CADPS2: variants seen among roughly 807,000 people sequenced by gnomAD.
The protein encoded by CADPS2 is calcium dependent secretion activator 2.
CADPS2 carries 93 observed loss-of-function variants against 172.5 expected under a neutral mutation model. The ratio of observed to expected loss-of-function variants is 0.54; its 90% CI spans 0.46 to 0.64. The LOEUF (loss-of-function observed/expected upper bound fraction) is 0.64, where lower values mean the gene tolerates loss of function less well. CADPS2 is among the 30% of genes least tolerant of loss of function. The pLI, the probability that CADPS2 is intolerant of heterozygous loss-of-function variation, is 0.00. For missense variants in CADPS2, 1,420 were observed against 1,565.9 expected (o/e 0.91, Z 1.57); for synonymous variants, 546 against 555.2 (o/e 0.98, Z 0.23).
At chr7:122,817,650 C>G (rs907081531) in intron 1 of CADPS2, among the ~76,000 whole-genome samples, 3 of 151,926 alleles carry the variant, frequency 2.0e-5, no homozygotes, top group African/African-American at 7.3e-5. Context: ...GGGAAAGGGG[C>G]AAGTACCCCA....
chr7:122,534,354 G>T (rs2062038509), intron 8 of CADPS2, among the ~76,000 whole-genome samples: 1 of 152,012 alleles, frequency 6.6e-6, no homozygotes, highest in Non-Finnish European at 1.5e-5. Context: ...TTTCAACAAT[G>T]CCTCCCAACA....
intron 25 of CADPS2, among the ~76,000 whole-genome samples, chr7:122,376,817 A>G (rs1164311750): frequency 6.6e-6 from 1 of 152,106 alleles, no homozygotes; most frequent in African/African-American, 2.4e-5. Flanking sequence ...ATAAACTTAT[A>G]TGGTTGTATA....
At chr7:122,565,634 C>T (rs1587368664) in intron 7 of CADPS2, among the ~76,000 whole-genome samples, 1 of 152,136 alleles carries the variant, frequency 6.6e-6, no homozygotes, top group African/African-American at 2.4e-5. Context: ...TACAAACCAT[C>T]AGGGAATAAG....
chr7:122,868,121 A>G (rs997768234), intron 1 of CADPS2, among the ~76,000 whole-genome samples: 2 of 152,106 alleles, frequency 1.3e-5, no homozygotes, highest in African/African-American at 4.8e-5. Flanking sequence ...CCCTGGAAGT[A>G]GTTTCTGCAT....
chr7:122,319,313 G>A lies in CADPS2; in HGVS notation c.*852C>T, dbSNP rs959570607. On this transcript the variant is annotated 3_prime_UTR_variant, in exon 30 of 30. Transcript: ENST00000449022. ...AAAAAACTCAAGAAACAAAAACACA[G>A]AGTCAGATAGTTGGGATGTTTGAAA... 6.6e-6 allele frequency: 1 copy of A among 152,088 alleles called. No homozygotes were observed. The allele number at this position is 152,088 out of a possible 1,614,324, so 9.4% of individuals were successfully genotyped here. A position where few individuals can be genotyped will look rare whatever the true frequency, so the allele number is the denominator to read the frequency against.
chr7:122,701,843 A>C (rs748795665), intron 2 of CADPS2: 1 of 1,580,076 alleles, frequency 6.3e-7, no homozygotes. Context: ...TTAAGTTTTC[A>C]GGATGTCACA....
intron 1 of CADPS2, among the ~76,000 whole-genome samples, chr7:122,745,661 G>A (rs897091015): frequency 1.3e-5 from 2 of 149,840 alleles, no homozygotes; most frequent in South Asian, 4.4e-4. Context: ...CTAGCACATA[G>A]AATATCCTCT....
At chr7:122,595,323 T>C (rs1199070888) in intron 6 of CADPS2, among the ~76,000 whole-genome samples, 3 of 152,112 alleles carry the variant, frequency 2.0e-5, no homozygotes, top group Non-Finnish European at 2.9e-5. Context: ...CATCAATAAC[T>C]AGTACTTTCT....
intron 20 of CADPS2, 75 bp from the exon 21 acceptor site, chr7:122,393,657 C>G (rs1029129181): frequency 1.3e-6 from 2 of 1,518,772 alleles, no homozygotes; most frequent in African/African-American, 2.8e-5. Flanking sequence ...GCCAAAAAAA[C>G]ACGTTTTCTG....
intron 14 of CADPS2, among the ~76,000 whole-genome samples, chr7:122,468,837 T>C (rs2055511887): frequency 6.6e-6 from 1 of 152,216 alleles, no homozygotes; most frequent in Non-Finnish European, 1.5e-5. Flanking sequence ...CAGCTTATCT[T>C]GGATTATTTC....
intron 2 of CADPS2, among the ~76,000 whole-genome samples, chr7:122,721,977 A>G (rs976035617): frequency 6.6e-5 from 10 of 152,092 alleles, no homozygotes; most frequent in East Asian, 1.9e-4. Flanking sequence ...AAAGGCCGTT[A>G]ACAAAATTCA....
At chr7:122,702,676 T>A in intron 2 of CADPS2, 1 of 1,613,068 alleles carries the variant, frequency 6.2e-7, no homozygotes, top group Non-Finnish European at 8.5e-7. Flanking sequence ...AGCTAAGTAG[T>A]AGAAAGATAC....
intron 1 of CADPS2, among the ~76,000 whole-genome samples, chr7:122,772,892 C>T (rs1589116002): frequency 6.6e-6 from 1 of 151,992 alleles, no homozygotes; most frequent in Non-Finnish European, 1.5e-5. Flanking sequence ...AAGGACTTTC[C>T]AGGCAAAGGA....
chr7:122,796,908 T>C (rs536487275), intron 1 of CADPS2, among the ~76,000 whole-genome samples: 90 of 151,942 alleles, frequency 5.9e-4, no homozygotes, highest in African/African-American at 2.1e-3. Flanking sequence ...CAGCAAACTA[T>C]CAACAGAGTG....
intron 1 of CADPS2, among the ~76,000 whole-genome samples, chr7:122,808,304 T>C (rs1400244973): frequency 1.3e-5 from 2 of 152,236 alleles, no homozygotes; most frequent in East Asian, 3.8e-4. Context: ...TTAGTATTTC[T>C]GCAGTTCGTA....
At chr7:122,389,190 C>G (rs985060805) in intron 22 of CADPS2, among the ~76,000 whole-genome samples, 1 of 152,008 alleles carries the variant, frequency 6.6e-6, no homozygotes, top group Non-Finnish European at 1.5e-5. Context: ...TCTATCTACA[C>G]GTGTGTAGAA....
At chr7:122,702,130 TAAGTAA>T (rs774410726) in intron 2 of CADPS2, 1 of 1,613,574 alleles carries the variant, frequency 6.2e-7, no homozygotes, top group African/African-American at 1.3e-5. Flanking sequence ...AGACGCAATC[TAAGTAA>T]AAGTAGGCAA....
At position 122,697,047 on chromosome 7, in the gene CADPS2, A is replaced by G. The variant is rs191691321; in HGVS notation, c.454-33478T>C. On this transcript the variant is annotated intron_variant, in intron 2 of 29. Transcript: ENST00000449022. ...CAAATTGGGGAGTGGGGAGAAACACATGGGAAGTAAATTTGCCATGACTAA... is the reference window on the plus strand; with the variant it reads ...CAAATTGGGGAGTGGGGAGAAACACGTGGGAAGTAAATTTGCCATGACTAA... 3.0e-4 allele frequency among the ~76,000 whole-genome samples: 45 copies of G among 152,310 alleles called. No individual in the cohort carries two copies. In the East Asian group the frequency reaches 7.9e-3, roughly 27 times the overall value.
chr7:122,566,501 A>G (rs1386346845), intron 7 of CADPS2, among the ~76,000 whole-genome samples: 2 of 152,164 alleles, frequency 1.3e-5, no homozygotes. Flanking sequence ...AATAGCCAAG[A>G]TATGAAATCA....
Sources: gnomAD v4.1 joint callset for allele counts (sites outside exome capture counted in the v4.1 genomes callset) on GRCh38, gnomAD v4.1.1 for gene constraint, MANE v1.5 for transcripts, NCBI Gene and HGNC (gene_info 2026-07-23, HGNC 2026-07-21) for gene names.